Variants in HDAC9 observed in about 807,000 individuals in gnomAD.
HDAC9 encodes the protein histone deacetylase 9, also known as MEF-2 interacting transcription repressor (MITR) protein.
HDAC9 carries 41 observed loss-of-function variants against 139.4 expected under a neutral mutation model. The ratio of observed to expected loss-of-function variants is 0.29; its 90% CI spans 0.23 to 0.38. The LOEUF (loss-of-function observed/expected upper bound fraction) is 0.38. Among genes scored for constraint, HDAC9 ranks in the 10% least tolerant of loss-of-function variants. The probability of loss-of-function intolerance (pLI) is 1.00; values close to 1 mark genes in which losing one functional copy is unlikely to be tolerated. For synonymous variants in HDAC9, 517 were observed against 476.2 expected, an observed-to-expected ratio of 1.09 and a Z score of -1.12; for missense variants, 1,147 against 1,297.0, an observed-to-expected ratio of 0.88 and a Z score of 1.78.
chr7:18,143,105 T>G (rs1270425123), intron 1 of HDAC9, among the ~76,000 whole-genome samples: 6 of 152,174 alleles, frequency 3.9e-5, no homozygotes, highest in Admixed American at 3.9e-4. Context: ...ATCACCTAAA[T>G]GTGACACTAG....
In HDAC9 at chr7:18,935,903, T is replaced by C; in HGVS notation, c.2898T>C (p.Asp966=). 1 of 1,613,732 alleles carries C rather than the reference T, an allele frequency of 6.2e-7. No individual in the cohort carries two copies. The highest frequency in any genetic ancestry group is 8.5e-7 in the Non-Finnish European group (1 of 1,179,690). ...EGGHDLTAIC[D]ASEACVNALL... ...GACATGATCTCACAGCCATCTGTGA[T>C]GCATCAGAAGCCTGTGTAAATGCCC... is the stretch of plus-strand genomic sequence containing the variant. Residue 966 remains aspartate, a synonymous_variant, in exon 23 of 26, where the codon GAT becomes GAC. Transcript: ENST00000686413.
chr7:18,758,681 C>G (rs974971018), intron 14 of HDAC9, among the ~76,000 whole-genome samples: 10 of 152,162 alleles, frequency 6.6e-5, no homozygotes, highest in African/African-American at 1.2e-4. Context: ...AGCTGTTGCT[C>G]TTTCAGAATT....
At chr7:18,244,651 A>G (rs1420518606) in intron 2 of HDAC9, among the ~76,000 whole-genome samples, 1 of 152,092 alleles carries the variant, frequency 6.6e-6, no homozygotes, top group African/African-American at 2.4e-5. Flanking sequence ...ACAAAAAATT[A>G]TCTGGGCGTG....
At chr7:18,497,947 C>A (rs1797363086) in intron 2 of HDAC9, among the ~76,000 whole-genome samples, 2 of 152,018 alleles carry the variant, frequency 1.3e-5, no homozygotes, top group Non-Finnish European at 2.9e-5. Context: ...AGCTTTACAC[C>A]CATTTCAGTA....
chr7:18,500,659 G>A (rs1798123611), intron 2 of HDAC9, among the ~76,000 whole-genome samples: 1 of 152,076 alleles, frequency 6.6e-6, no homozygotes, highest in Non-Finnish European at 1.5e-5. Flanking sequence ...TAGAAATGAA[G>A]GCTTCAGAGC....
chr7:18,290,134 T>C (rs1797713197), upstream of HDAC9: 1 of 185,996 alleles, frequency 5.4e-6, no homozygotes, highest in East Asian at 1.2e-4. Flanking sequence ...TCTCTTTCCT[T>C]CTCCTCCTCC....
chr7:18,359,341 C>CT (rs1204699043), intron 1 of HDAC9, among the ~76,000 whole-genome samples: 1 of 152,112 alleles, frequency 6.6e-6, no homozygotes, highest in African/African-American at 2.4e-5. Context: ...GAGTGAGACT[C>CT]TGTCTAAAAT....
At chr7:18,855,454 T>C (rs1432797802) in intron 21 of HDAC9, among the ~76,000 whole-genome samples, 1 of 152,006 alleles carries the variant, frequency 6.6e-6, no homozygotes, top group African/African-American at 2.4e-5. Flanking sequence ...ACCTCATTTC[T>C]ATCATTGCTA....
At chr7:18,797,834 A>G (rs116160608) in intron 17 of HDAC9, among the ~76,000 whole-genome samples, 2,867 of 152,156 alleles carry the variant, frequency 0.019, 102 homozygotes, top group African/African-American at 0.065. Flanking sequence ...ATCTCAGAAA[A>G]AAAAAAAAAT....
rs1261435780 is a variant in HDAC9 at position 18,335,231 on chromosome 7, G to T, written c.-42+44716G>T. Reference sequence around the variant, plus strand: ...GAAAATAGGAAGAAGTGAAAAAATGGAAATTGGAAGAAATACATGTAATGC... The same window carrying T: ...GAAAATAGGAAGAAGTGAAAAAATGTAAATTGGAAGAAATACATGTAATGC... On this transcript the variant is annotated intron_variant, in intron 1 of 3. Coordinates refer to the HDAC9 transcript ENST00000413509. Among the ~76,000 whole-genome samples, 4 of 151,450 alleles carry T rather than the reference G, an allele frequency of 2.6e-5. No homozygotes were observed. The Admixed American group carries it at 2.6e-4, about 10-fold the overall frequency.
chr7:18,849,352 A>T (rs942354705), intron 21 of HDAC9, among the ~76,000 whole-genome samples: 1 of 152,220 alleles, frequency 6.6e-6, no homozygotes, highest in African/African-American at 2.4e-5. Context: ...TTAACAAGAG[A>T]GGGAAAAGAG....
intron 21 of HDAC9, among the ~76,000 whole-genome samples, chr7:18,867,818 T>A (rs1798609456): frequency 6.6e-6 from 1 of 152,190 alleles, no homozygotes; most frequent in Non-Finnish European, 1.5e-5. Context: ...ACTTCTGCAA[T>A]GACCCTCTGT....
intron 11 of HDAC9, among the ~76,000 whole-genome samples, chr7:18,661,550 C>A (rs1793137648): frequency 1.3e-5 from 2 of 151,868 alleles, no homozygotes; most frequent in African/African-American, 4.8e-5. Context: ...AAATCAAATT[C>A]ATATCTTACA....
rs537033538 is a variant in HDAC9, at chr7:18,221,106, C to CTTTTTTTTTTTTTTTTTTTTTTTT, written c.25+58770_25+58771insTTTTTTTTTTTTTTTTTTTTTTTT. On this transcript the variant is annotated intron_variant, in intron 2 of 12. Transcript: ENST00000417496. ...TCTATAATATTTTGCATTTCTATTC[C>CTTTTTTTTTTTTTTTTTTTTTTTT]TTTTTTTTTTTTTGTGACGGAGTTT... Among the ~76,000 whole-genome samples the CTTTTTTTTTTTTTTTTTTTTTTTT allele has an allele frequency of 5.0e-5, 7 of 139,668 alleles. 1 individual carries two copies. The highest frequency in any genetic ancestry group is 1.6e-4 in the African/African-American group (6 of 36,436). The allele number at this position is 139,668 out of a possible 152,430, so 91.6% of individuals were successfully genotyped here.
At chr7:18,760,650 A>G (rs1014068279) in intron 14 of HDAC9, among the ~76,000 whole-genome samples, 1 of 152,212 alleles carries the variant, frequency 6.6e-6, no homozygotes, top group Non-Finnish European at 1.5e-5. Context: ...TTCCATAAGT[A>G]TTCATGAGTT....
chr7:18,890,324 T>G (rs542103327), intron 22 of HDAC9, among the ~76,000 whole-genome samples: 8 of 152,324 alleles, frequency 5.3e-5, no homozygotes, highest in Admixed American at 2.0e-4. Flanking sequence ...TATCTGACTT[T>G]TAAATGCTTC....
intron 1 of HDAC9, among the ~76,000 whole-genome samples, chr7:18,417,453 T>C (rs886410980): frequency 6.6e-6 from 1 of 152,220 alleles, no homozygotes; most frequent in Non-Finnish European, 1.5e-5. Context: ...TTAACAATCC[T>C]GATAATTTTT....
intron 25 of HDAC9, among the ~76,000 whole-genome samples, chr7:18,978,482 G>A (rs1171295794): frequency 6.6e-6 from 1 of 152,064 alleles, no homozygotes; most frequent in Non-Finnish European, 1.5e-5. Context: ...ACTAGGAAAA[G>A]GCTGATATGT....
At chr7:18,965,077 G>T (rs1168895593) in intron 24 of HDAC9, among the ~76,000 whole-genome samples, 1 of 152,110 alleles carries the variant, frequency 6.6e-6, no homozygotes, top group Non-Finnish European at 1.5e-5. Flanking sequence ...TTCATAAATA[G>T]CTTCTGATTA....
Sources: allele counts gnomAD v4.1 joint callset (sites outside exome capture counted in the v4.1 genomes callset), GRCh38; gene constraint gnomAD v4.1.1; transcripts MANE v1.5; gene names NCBI Gene and HGNC (gene_info 2026-07-23, HGNC 2026-07-21).